The following PDZRN4 variants were observed in gnomAD, a reference collection of about 807,000 sequenced individuals.
PDZRN4 encodes the protein PDZ domain containing ring finger 4, also known as PDZ domain-containing RING finger protein 4.
PDZRN4 carries 70 observed loss-of-function variants against 99.0 expected under a neutral mutation model. The observed-to-expected ratio is 0.71, with a 90% CI of 0.58 to 0.86. PDZRN4 has a LOEUF of 0.86. Ranked by LOEUF, PDZRN4 falls within the 40% of genes least tolerant of loss-of-function variation. The pLI, the probability that PDZRN4 is intolerant of heterozygous loss-of-function variation, is 0.00. For missense variants in PDZRN4, 1,474 were observed against 1,331.2 expected (o/e 1.11, Z -1.67); for synonymous variants, 551 against 501.6 (o/e 1.10, Z -1.32).
intron 3 of PDZRN4, among the ~76,000 whole-genome samples, chr12:41,463,051 AC>A: frequency 6.6e-6 from 1 of 152,300 alleles, no homozygotes; most frequent in East Asian, 1.9e-4. Context: ...AGAATATCAA[AC>A]TATAGCATTC....
chr12:41,567,955 T>A, intron 9 of PDZRN4, 56 bp downstream of exon 9: 1 of 1,001,224 alleles, frequency 1.0e-6, no homozygotes, highest in Non-Finnish European at 1.5e-6. Flanking sequence ...CTTTTTTTAA[T>A]GTGTAACCAT....
At position 41,568,904 on chromosome 12, in the gene PDZRN4, A is replaced by T. The variant is rs1429595546; in HGVS notation, c.1584+1005A>T. 2.0e-5 allele frequency among the ~76,000 whole-genome samples: 3 copies of T among 151,150 alleles called. No homozygotes were observed. In the East Asian group the frequency reaches 5.8e-4, roughly 29 times the overall value. ...ACTGGAACCTCCGCCTCCCGGGTTC[A>T]ATTGATTCTCCTGCCTCAGCCTCCT... On this transcript the variant is annotated intron_variant, in intron 9 of 9. Coordinates refer to ENST00000402685, the MANE Select transcript of PDZRN4 (RefSeq NM_001164595.2).
Position 41,188,904 on chromosome 12 carries a change from C to T in PDZRN4, c.449C>T (p.Pro150Leu). Residue 150 changes from proline (P) to leucine (L), a missense_variant, in exon 1 of 10, where the codon CCG (proline) becomes CTG (leucine). Pro to Leu is a moderately conservative substitution (Grantham distance 98). Coordinates refer to ENST00000402685, the MANE Select transcript of PDZRN4 (RefSeq NM_001164595.2). ...GRGGGARGGP[P>L]GGRWGRGRGP... ...GGCGGGGGCGCGCGCGGGGGGCCGC[C>T]GGGCGGCCGCTGGGGCCGCGGGCGG... 4 of 1,107,808 alleles carry T rather than the reference C, an allele frequency of 3.6e-6. No homozygotes were observed. The highest frequency in any genetic ancestry group is 3.3e-6 in the Non-Finnish European group (3 of 910,432). The allele number at this position is 1,107,808 out of a possible 1,614,324, so 68.6% of individuals were successfully genotyped here.
chr12:41,437,407 A>T (rs574869443), intron 3 of PDZRN4, among the ~76,000 whole-genome samples: 124 of 152,284 alleles, frequency 8.1e-4, no homozygotes, highest in African/African-American at 2.3e-3. Flanking sequence ...TCTTATTCCC[A>T]TATTAAAAGC....
At chr12:41,550,417 T>C (rs570104602) in intron 5 of PDZRN4, among the ~76,000 whole-genome samples, 1 of 152,324 alleles carries the variant, frequency 6.6e-6, no homozygotes, top group East Asian at 1.9e-4. Context: ...GTTGCTGTAA[T>C]TGAAGCTGTT....
intron 3 of PDZRN4, among the ~76,000 whole-genome samples, chr12:41,370,309 A>T (rs1188297024): frequency 2.6e-5 from 4 of 151,920 alleles, no homozygotes; most frequent in African/African-American, 9.7e-5. Context: ...TCATACTGAT[A>T]ATTTATTTAT....
chr12:41,547,123 AT>A (rs1318319155), intron 5 of PDZRN4, among the ~76,000 whole-genome samples: 1 of 152,214 alleles, frequency 6.6e-6, no homozygotes, highest in African/African-American at 2.4e-5. Flanking sequence ...TAGCAAAGTA[AT>A]TGCAATTTCC....
chr12:41,271,380 A>G (rs1951313555), intron 3 of PDZRN4, among the ~76,000 whole-genome samples: 1 of 152,142 alleles, frequency 6.6e-6, no homozygotes, highest in African/African-American at 2.4e-5. Flanking sequence ...TGCAGGTACC[A>G]TTTTTAAGCA....
At chr12:41,196,736 A>G (rs960456619) in intron 3 of PDZRN4, among the ~76,000 whole-genome samples, 2 of 152,106 alleles carry the variant, frequency 1.3e-5, no homozygotes, top group African/African-American at 4.8e-5. Flanking sequence ...ATCAACTTTA[A>G]GCAGTTTTTA....
intron 1 of PDZRN4, among the ~76,000 whole-genome samples, chr12:41,191,181 G>A (rs1477381520): frequency 3.3e-5 from 5 of 152,126 alleles, no homozygotes; most frequent in African/African-American, 7.2e-5. Flanking sequence ...TACTGCATTA[G>A]GATAAAAGAG....
chr12:41,219,477 G>A (rs1591972909), intron 3 of PDZRN4, among the ~76,000 whole-genome samples: 1 of 152,220 alleles, frequency 6.6e-6, no homozygotes, highest in East Asian at 1.9e-4. Context: ...TCTAGAAGTT[G>A]AAATGAGACA....
intron 3 of PDZRN4, among the ~76,000 whole-genome samples, chr12:41,455,844 A>G (rs552925316): frequency 6.6e-6 from 1 of 152,316 alleles, no homozygotes; most frequent in Admixed American, 6.5e-5. Context: ...GTTCTTTCCC[A>G]GTAGGGATAT....
intron 3 of PDZRN4, among the ~76,000 whole-genome samples, chr12:41,431,092 C>A (rs1460336253): frequency 6.6e-6 from 1 of 152,160 alleles, no homozygotes; most frequent in East Asian, 1.9e-4. Flanking sequence ...CTAGGCCCCA[C>A]CTCCAACACT....
At chr12:41,474,823 T>G (rs997085419) in intron 3 of PDZRN4, among the ~76,000 whole-genome samples, 8 of 152,190 alleles carry the variant, frequency 5.3e-5, no homozygotes, top group Non-Finnish European at 1.0e-4. Context: ...GAGAACTAAT[T>G]AAATATGAAA....
At chr12:41,463,928 G>T (rs1282955583) in intron 3 of PDZRN4, among the ~76,000 whole-genome samples, 1 of 152,102 alleles carries the variant, frequency 6.6e-6, no homozygotes, top group Non-Finnish European at 1.5e-5. Flanking sequence ...CTCCAATCTG[G>T]CCAAACATAT....
At position 41,188,363 on chromosome 12, in the gene PDZRN4, G is replaced by A. The variant is rs1200380471; in HGVS notation, c.-93G>A. 5.6e-6 allele frequency: 7 copies of A among 1,259,566 alleles called. No individual in the cohort carries two copies. Among genetic ancestry groups the A allele is most frequent in the Admixed American group, 2.9e-5 (1 of 34,224 alleles). The allele number at this position is 1,259,566 out of a possible 1,614,324, so 78.0% of individuals were successfully genotyped here. A position where few individuals can be genotyped will look rare whatever the true frequency, so the allele number is the denominator to read the frequency against. On this transcript the variant is annotated 5_prime_UTR_variant, in exon 1 of 10. Transcript: ENST00000402685. ...CACCTCCCTCCACTGCCGCCGCCGCGAGACGGCTGCCCCGGGGGTGGCCCG... is the reference window on the plus strand; with the variant it reads ...CACCTCCCTCCACTGCCGCCGCCGCAAGACGGCTGCCCCGGGGGTGGCCCG...
At chr12:41,520,914 C>CTGAG (rs1176299595) in intron 5 of PDZRN4, among the ~76,000 whole-genome samples, 9 of 152,242 alleles carry the variant, frequency 5.9e-5, no homozygotes, top group African/African-American at 9.6e-5. Context: ...TTGGCTTGAA[C>CTGAG]TGAGATACAG....
intron 3 of PDZRN4, among the ~76,000 whole-genome samples, chr12:41,321,473 C>T (rs987211685): frequency 2.0e-5 from 3 of 152,170 alleles, no homozygotes; most frequent in African/African-American, 7.2e-5. Flanking sequence ...TCCTAGTAAA[C>T]AGTGTGTTTC....
chr12:41,320,603 C>T (rs1951670261), intron 3 of PDZRN4, among the ~76,000 whole-genome samples: 1 of 152,126 alleles, frequency 6.6e-6, no homozygotes, highest in African/African-American at 2.4e-5. Context: ...AGAAGGGAGA[C>T]ATGTATTTCC....
Sources: gnomAD v4.1 joint callset for allele counts (sites outside exome capture counted in the v4.1 genomes callset) on GRCh38, gnomAD v4.1.1 for gene constraint, MANE v1.5 for transcripts, NCBI Gene and HGNC (gene_info 2026-07-23, HGNC 2026-07-21) for gene names.